Variants in B3GLCT observed in about 807,000 individuals in gnomAD.
B3GLCT encodes beta-1,3-glucosyltransferase.
In B3GLCT, 65 loss-of-function variants were observed where a neutral mutation model predicts 63.4. The ratio of observed to expected loss-of-function variants is 1.03; its 90% confidence interval spans 0.84 to 1.26. The LOEUF is 1.26. B3GLCT is among the 50% of genes most tolerant of loss of function. The pLI is 0.00. For missense variants in B3GLCT, 577 were observed against 604.8 expected, an observed-to-expected ratio of 0.95 and a Z score of 0.48; for synonymous variants, 233 against 219.2, an observed-to-expected ratio of 1.06 and a Z score of -0.55.
At chr13:31,282,019 C>T (rs912418820) in intron 10 of B3GLCT, among the ~76,000 whole-genome samples, 22 of 152,134 alleles carry the variant, frequency 1.4e-4, no homozygotes, top group African/African-American at 4.8e-4. Context: ...TTTTACTTTG[C>T]TCCAAGTTTA....
chr13:31,320,758 G>A (rs981372625), intron 13 of B3GLCT, among the ~76,000 whole-genome samples: 11 of 152,130 alleles, frequency 7.2e-5, no homozygotes, highest in Non-Finnish European at 1.0e-4. Context: ...AAGAACTCTT[G>A]CTGAACTTGT....
At chr13:31,323,249 C>G (rs1164912401) in intron 13 of B3GLCT, among the ~76,000 whole-genome samples, 2 of 152,170 alleles carry the variant, frequency 1.3e-5, no homozygotes, top group African/African-American at 4.8e-5. Context: ...AATGTTTCCT[C>G]CCCCAGGAAG....
At chr13:31,277,275 C>A (rs1872839868) in intron 10 of B3GLCT, among the ~76,000 whole-genome samples, 1 of 151,944 alleles carries the variant, frequency 6.6e-6, no homozygotes, top group Non-Finnish European at 1.5e-5. Flanking sequence ...GAAGAAAAAG[C>A]CGCGGTACAA....
intron 1 of B3GLCT, among the ~76,000 whole-genome samples, chr13:31,208,413 C>T (rs1312863238): frequency 6.6e-6 from 1 of 152,164 alleles, no homozygotes. Flanking sequence ...GCCGCTATTG[C>T]ACGCACACCC....
intron 14 of B3GLCT, among the ~76,000 whole-genome samples, chr13:31,324,215 T>G (rs1178859129): frequency 6.6e-6 from 1 of 152,228 alleles, no homozygotes; most frequent in Non-Finnish European, 1.5e-5. Context: ...TAAAAATTAT[T>G]GGATACTGCC....
At chr13:31,215,444 C>T (rs758359367) in intron 2 of B3GLCT, among the ~76,000 whole-genome samples, 1 of 152,080 alleles carries the variant, frequency 6.6e-6, no homozygotes, top group Non-Finnish European at 1.5e-5. Context: ...GACGGAGTTT[C>T]ACTCTGTCGC....
intron 1 of B3GLCT, among the ~76,000 whole-genome samples, chr13:31,207,582 T>G (rs565803904): frequency 6.6e-6 from 1 of 152,322 alleles, no homozygotes; most frequent in African/African-American, 2.4e-5. Context: ...TCTACTGTGC[T>G]TCCTGTAAAA....
chr13:31,235,268 G>A (rs186232059), intron 4 of B3GLCT, among the ~76,000 whole-genome samples: 1 of 152,210 alleles, frequency 6.6e-6, no homozygotes, highest in Non-Finnish European at 1.5e-5. Context: ...AAGTGAGGGT[G>A]TGAGTAGCTG....
chr13:31,296,778 A>G (rs898088408), intron 12 of B3GLCT, among the ~76,000 whole-genome samples: 1 of 151,956 alleles, frequency 6.6e-6, no homozygotes, highest in African/African-American at 2.4e-5. Flanking sequence ...GGTAAAGTAC[A>G]CACAACTTCA....
At chr13:31,265,126 A>C (rs1435806779) in intron 7 of B3GLCT, among the ~76,000 whole-genome samples, 1 of 152,220 alleles carries the variant, frequency 6.6e-6, no homozygotes, top group Non-Finnish European at 1.5e-5. Flanking sequence ...GGTTGGGCCA[A>C]CTGCATGTGT....
chr13:31,222,263 G>T (rs1361946871), intron 2 of B3GLCT, among the ~76,000 whole-genome samples: 2 of 151,870 alleles, frequency 1.3e-5, no homozygotes, highest in Non-Finnish European at 1.5e-5. Flanking sequence ...ATTTTTAGTA[G>T]CGGTGGGGTT....
chr13:31,236,516 C>G (rs1335563732), intron 4 of B3GLCT, among the ~76,000 whole-genome samples: 1 of 152,182 alleles, frequency 6.6e-6, no homozygotes, highest in African/African-American at 2.4e-5. Context: ...AGAGCCTAGA[C>G]TAAAGCAATA....
chr13:31,200,451 C>A (rs1868590889), intron 1 of B3GLCT, among the ~76,000 whole-genome samples: 1 of 149,854 alleles, frequency 6.7e-6, no homozygotes, highest in Non-Finnish European at 1.5e-5. Flanking sequence ...CGCCCCGAAC[C>A]GGCGGGCGAC....
intron 14 of B3GLCT, among the ~76,000 whole-genome samples, chr13:31,327,905 T>C (rs17631074): frequency 0.059 from 8,927 of 152,308 alleles, 341 homozygotes; most frequent in Non-Finnish European, 0.086. Context: ...TCTTCGCAGA[T>C]ATTATTGTTG....
intron 7 of B3GLCT, among the ~76,000 whole-genome samples, chr13:31,265,464 CA>C (rs1238189599): frequency 1.3e-5 from 2 of 152,162 alleles, no homozygotes; most frequent in African/African-American, 2.4e-5. Flanking sequence ...TAACAACTTA[CA>C]GTTACTTAGG....
chr13:31,231,003 T>G (rs1340439978), intron 4 of B3GLCT, among the ~76,000 whole-genome samples: 1 of 152,002 alleles, frequency 6.6e-6, no homozygotes, highest in Non-Finnish European at 1.5e-5. Context: ...CAAGATTCTG[T>G]CTCAAAGAAA....
intron 1 of B3GLCT, among the ~76,000 whole-genome samples, chr13:31,205,162 T>C (rs1173708965): frequency 6.6e-6 from 1 of 151,998 alleles, no homozygotes; most frequent in Non-Finnish European, 1.5e-5. Flanking sequence ...AGTTAGATAT[T>C]TGGGTCTGTA....
At chr13:31,232,809 C>T (rs1427819196) in intron 4 of B3GLCT, among the ~76,000 whole-genome samples, 1 of 152,194 alleles carries the variant, frequency 6.6e-6, no homozygotes, top group Non-Finnish European at 1.5e-5. Flanking sequence ...TTATTTGTTA[C>T]CTGTCTCTTT....
At chr13:31,295,274 A>G (rs561218480) in intron 12 of B3GLCT, among the ~76,000 whole-genome samples, 1 of 152,160 alleles carries the variant, frequency 6.6e-6, no homozygotes. Context: ...GGTGTCTCCC[A>G]GTCAGGAGGC....
Sources: allele counts gnomAD v4.1 joint callset (sites outside exome capture counted in the v4.1 genomes callset), GRCh38; gene constraint gnomAD v4.1.1; transcripts MANE v1.5; gene names NCBI Gene and HGNC (gene_info 2026-07-23, HGNC 2026-07-21).